RPS6KA5: variants seen among roughly 807,000 people sequenced by gnomAD.
RPS6KA5 encodes the protein ribosomal protein S6 kinase A5, also known as ribosomal protein S6 kinase alpha-5.
A neutral mutation model predicts 85.5 loss-of-function variants in RPS6KA5; 27 were observed. The observed-to-expected ratio is 0.32, with a 90% CI of 0.23 to 0.44. RPS6KA5 has a LOEUF of 0.44. Among genes scored for constraint, RPS6KA5 ranks in the 20% least tolerant of loss-of-function variants. The pLI is 1.00. For synonymous variants in RPS6KA5, 334 were observed against 348.2 expected, an observed-to-expected ratio of 0.96 and a Z score of 0.46; for missense variants, 811 against 980.9, an observed-to-expected ratio of 0.83 and a Z score of 2.31.
chr14:91,010,151 A>G (rs2041197369), intron 1 of RPS6KA5, among the ~76,000 whole-genome samples: 1 of 152,164 alleles, frequency 6.6e-6, no homozygotes, highest in African/African-American at 2.4e-5. Context: ...AATTTTTGAA[A>G]GTTTACTAAA....
intron 12 of RPS6KA5, among the ~76,000 whole-genome samples, chr14:90,897,065 T>C (rs1008702963): frequency 6.6e-6 from 1 of 152,154 alleles, no homozygotes; most frequent in Admixed American, 6.6e-5. Context: ...AATTTTTCCA[T>C]GGACGAGGGG....
At chr14:90,939,742 C>G (rs1430692385) in intron 5 of RPS6KA5, among the ~76,000 whole-genome samples, 2 of 151,364 alleles carry the variant, frequency 1.3e-5, no homozygotes, top group East Asian at 3.9e-4. Flanking sequence ...CAGTTAACTC[C>G]CCACCAGGTC....
Position 91,056,867 on chromosome 14 carries a change from C to CTTT in RPS6KA5, c.103+3462_103+3464dup, listed in dbSNP as rs34807092. 1.7e-3 allele frequency among the ~76,000 whole-genome samples: 68 copies of CTTT among 38,880 alleles called. 13 individuals are homozygous for CTTT. In the South Asian group the frequency reaches 0.018, roughly 10 times the overall value. The allele number at this position is 38,880 out of a possible 152,430, so 25.5% of individuals were successfully genotyped here. The stretch of plus-strand genomic sequence containing the variant: ...ACTGTTATACTTAAGGCAGTATTAT[C>CTTT]TTTTTTTTTTTTTTTTTTTTTTTTT... On this transcript the variant is annotated intron_variant, in intron 1 of 16. Transcript: ENST00000614987.
rs1372369297 is a variant in RPS6KA5, at chr14:90,862,326, A to G, written c.*9748T>C. On this transcript the variant is annotated 3_prime_UTR_variant, in exon 17 of 17. Coordinates refer to ENST00000614987, the MANE Select transcript of RPS6KA5 (RefSeq NM_004755.4). ...GCAAACTCTTCCAGAGTGTAGAAAA[A>G]AAGGGAACACATCTCCAACTTTTTT... is the stretch of plus-strand genomic sequence containing the variant. The G allele has an allele frequency of 7.5e-6, 1 of 132,872 alleles. No homozygotes were observed. The highest frequency in any genetic ancestry group is 1.6e-5 in the Non-Finnish European group (1 of 62,588). 8.2% of individuals were successfully genotyped at this position (132,872 alleles called of 1,614,324 possible).
At chr14:90,991,213 C>T (rs899231364) in intron 2 of RPS6KA5, among the ~76,000 whole-genome samples, 7 of 152,146 alleles carry the variant, frequency 4.6e-5, no homozygotes, top group African/African-American at 7.2e-5. Context: ...CTGTATATTA[C>T]GTATAACAGC....
At chr14:90,986,905 C>T (rs1239550191) in intron 2 of RPS6KA5, among the ~76,000 whole-genome samples, 1 of 152,246 alleles carries the variant, frequency 6.6e-6, no homozygotes, top group African/African-American at 2.4e-5. Flanking sequence ...CCTTCCCTCA[C>T]TCTTGTTCTC....
At chr14:90,997,084 C>T (rs578056976) in intron 2 of RPS6KA5, among the ~76,000 whole-genome samples, 1 of 152,262 alleles carries the variant, frequency 6.6e-6, no homozygotes, top group Admixed American at 6.5e-5. Context: ...TAATATTTTT[C>T]TATCACAGAC....
At chr14:90,974,032 C>A (rs2039444922) in intron 3 of RPS6KA5, among the ~76,000 whole-genome samples, 1 of 17,324 alleles carries the variant, frequency 5.8e-5, no homozygotes, top group Non-Finnish European at 1.3e-4. Flanking sequence ...AGTGAGACTC[C>A]ATCTCAAAAA....
intron 5 of RPS6KA5, among the ~76,000 whole-genome samples, chr14:90,924,576 A>T (rs78526632): frequency 0.02 from 3,077 of 152,346 alleles, 44 homozygotes; most frequent in Middle Eastern, 0.034. Context: ...TCTCAAGGAG[A>T]CAACCTATTT....
intron 3 of RPS6KA5, among the ~76,000 whole-genome samples, chr14:90,960,471 C>T (rs1003327660): frequency 1.3e-5 from 2 of 152,154 alleles, no homozygotes; most frequent in African/African-American, 4.8e-5. Flanking sequence ...ATCATGACCA[C>T]CCAGATCCTC....
chr14:90,990,856 T>C (rs181358343), intron 2 of RPS6KA5, among the ~76,000 whole-genome samples: 32 of 152,198 alleles, frequency 2.1e-4, no homozygotes, highest in South Asian at 4.1e-4. Context: ...ATGGAAAGAA[T>C]AGATACTAGG....
intron 3 of RPS6KA5, among the ~76,000 whole-genome samples, chr14:90,971,782 T>A (rs1339645472): frequency 6.6e-6 from 1 of 152,086 alleles, no homozygotes; most frequent in East Asian, 1.9e-4. Flanking sequence ...AAAACATCTT[T>A]AAAAACAGCA....
intron 1 of RPS6KA5, among the ~76,000 whole-genome samples, chr14:91,020,586 ATATGTG>A (rs1220472503): frequency 6.6e-5 from 7 of 105,516 alleles, no homozygotes; most frequent in South Asian, 3.3e-4. Context: ...GTGTGTGTTT[ATATGTG>A]TATGTGTATG....
chr14:90,927,388 C>A (rs567330618), intron 5 of RPS6KA5, among the ~76,000 whole-genome samples: 2 of 152,128 alleles, frequency 1.3e-5, no homozygotes, highest in African/African-American at 4.8e-5. Flanking sequence ...ATACAGGTAT[C>A]ATAACTCACC....
chr14:90,938,122 C>T (rs1312067928), intron 5 of RPS6KA5, among the ~76,000 whole-genome samples: 11 of 152,178 alleles, frequency 7.2e-5, no homozygotes, highest in African/African-American at 2.4e-4. Context: ...ACAGCCACTC[C>T]AAATGGGAGA....
At chr14:90,903,112 A>G in intron 8 of RPS6KA5, 143 bp from the exon 9 acceptor site, 1 of 733,894 alleles carries the variant, frequency 1.4e-6, no homozygotes, top group Non-Finnish European at 2.2e-6. Flanking sequence ...AATAAAAAAC[A>G]TATTTTCTCC....
chr14:91,010,701 C>A (rs1033414428), intron 1 of RPS6KA5, among the ~76,000 whole-genome samples: 1 of 151,986 alleles, frequency 6.6e-6, no homozygotes, highest in Non-Finnish European at 1.5e-5. Context: ...AAAAGGAATA[C>A]AGGGGAAATG....
chr14:90,944,362 AC>A (rs576097580), intron 4 of RPS6KA5, among the ~76,000 whole-genome samples: 76 of 152,322 alleles, frequency 5.0e-4, no homozygotes, highest in Non-Finnish European at 8.5e-4. Context: ...CATGTCTGTA[AC>A]CCTAGACTTT....
Position 90,899,400 on chromosome 14 carries a change from CCTTTT to C in RPS6KA5, c.1397_1401del (p.Gln466ArgfsTer9). 6.2e-7 allele frequency: 1 copy of C among 1,613,320 alleles called. No homozygotes were observed. The highest frequency in any genetic ancestry group is 8.5e-7 in the Non-Finnish European group (1 of 1,179,670). Reference sequence around the variant, plus strand: ...TCACAGAGTTTCAGAGCTGTTATTTCCTTTTGAGTATTGGCTTCCATCCTGCAAGA... The same window carrying C: ...TCACAGAGTTTCAGAGCTGTTATTTCGAGTATTGGCTTCCATCCTGCAAGA... On this transcript the variant is annotated frameshift_variant, in exon 12 of 17. Transcript: ENST00000614987. LOFTEE classifies it high-confidence loss of function.
Sources: allele counts gnomAD v4.1 joint callset (sites outside exome capture counted in the v4.1 genomes callset), GRCh38; gene constraint gnomAD v4.1.1; transcripts MANE v1.5; gene names NCBI Gene and HGNC (gene_info 2026-07-23, HGNC 2026-07-21).